CYP24A1: variants seen among roughly 807,000 people sequenced by gnomAD.
The protein encoded by CYP24A1 is cytochrome P450 family 24 subfamily A member 1.
A neutral mutation model predicts 62.4 loss-of-function variants in CYP24A1; 68 were observed. The observed-to-expected ratio is 1.09, with a 90% confidence interval of 0.90 to 1.33. The LOEUF (loss-of-function observed/expected upper bound fraction) is 1.33. CYP24A1 is among the 40% of genes most tolerant of loss of function. The pLI, the probability that CYP24A1 is intolerant of heterozygous loss-of-function variation, is 0.00. For synonymous variants in CYP24A1, 267 were observed against 253.0 expected (o/e 1.06, Z -0.52); for missense variants, 787 against 653.0 (o/e 1.21, Z -2.24).
At chr20:54,170,313 G>A (rs2092689521) in intron 3 of CYP24A1, among the ~76,000 whole-genome samples, 3 of 152,252 alleles carry the variant, frequency 2.0e-5, no homozygotes, top group South Asian at 2.1e-4. Context: ...AACACTGTAC[G>A]AAGTGTATTG....
At chr20:54,167,948 G>A (rs1021838487) in intron 4 of CYP24A1, among the ~76,000 whole-genome samples, 1 of 152,078 alleles carries the variant, frequency 6.6e-6, no homozygotes, top group South Asian at 2.1e-4. Context: ...CGCAGCTCCC[G>A]GTTACTTACA....
chr20:54,155,412 C>T (rs1159175590), intron 11 of CYP24A1, among the ~76,000 whole-genome samples: 1 of 152,090 alleles, frequency 6.6e-6, no homozygotes. Flanking sequence ...ACCGACATGT[C>T]AGCCTATAAA....
At chr20:54,159,255 A>T (rs2092641293) in intron 7 of CYP24A1, 132 bp from the exon 8 acceptor site, 1 of 729,892 alleles carries the variant, frequency 1.4e-6, no homozygotes, top group African/African-American at 1.7e-5. Context: ...GCGTCCTTAT[A>T]GCTACGCCTT....
rs116548533 is a variant in CYP24A1 at position 54,159,083 on chromosome 20, C to A, written c.1031G>T (p.Arg344Leu). ...SLMWILYNLS[R>L]NPQVQQKLLK... ...AAGCTTTTGTTGCACTTGGGGATTA[C>A]GGGATAAATTGTAGAGAATCCACAT... The change falls in exon 8 of 12, where the codon CGT becomes CTT. Residue 344 changes from arginine (R) to leucine (L), a missense_variant. Physicochemically the swap from Arg to Leu is moderately radical, Grantham distance 102. Coordinates refer to ENST00000216862, the MANE Select transcript of CYP24A1 (RefSeq NM_000782.5). 6.2e-7 allele frequency: 1 copy of A among 1,613,762 alleles called. No homozygotes were observed. Among genetic ancestry groups the A allele is most frequent in the East Asian group, 2.2e-5 (1 of 44,870 alleles).
Sources: gnomAD v4.1 joint callset for allele counts (sites outside exome capture counted in the v4.1 genomes callset) on GRCh38, gnomAD v4.1.1 for gene constraint, MANE v1.5 for transcripts, NCBI Gene and HGNC (gene_info 2026-07-23, HGNC 2026-07-21) for gene names.